Variants in RAB31 observed in about 807,000 individuals in gnomAD.
The protein encoded by RAB31 is ras-related protein Rab-31.
RAB31 carries 21 observed loss-of-function variants against 25.6 expected under a neutral mutation model. That is an observed-to-expected ratio of 0.82 (90% confidence interval 0.58 to 1.18). The LOEUF (loss-of-function observed/expected upper bound fraction) is 1.18, where lower values mean the gene tolerates loss of function less well. RAB31 is among the 50% of genes most tolerant of loss of function. RAB31 has a pLI of 0.00. For synonymous variants in RAB31, 87 were observed against 84.0 expected, an observed-to-expected ratio of 1.04 and a Z score of -0.20; for missense variants, 196 against 250.1, an observed-to-expected ratio of 0.78 and a Z score of 1.46.
At chr18:9,794,456 T>C (rs969113507) in intron 3 of RAB31, among the ~76,000 whole-genome samples, 1 of 152,152 alleles carries the variant, frequency 6.6e-6, no homozygotes. Flanking sequence ...GAATCAATAT[T>C]GTGAAAATGA....
chr18:9,794,108 T>TG (rs1382283647), intron 3 of RAB31, among the ~76,000 whole-genome samples: 1 of 152,178 alleles, frequency 6.6e-6, no homozygotes, highest in African/African-American at 2.4e-5. Context: ...TTGCCCAGGC[T>TG]GGTCTTGAAC....
At chr18:9,739,609 G>A (rs2068167980) in intron 1 of RAB31, among the ~76,000 whole-genome samples, 1 of 152,008 alleles carries the variant, frequency 6.6e-6, no homozygotes, top group Admixed American at 6.6e-5. Context: ...TAAAGCACAG[G>A]TTTTTAAGTT....
intron 1 of RAB31, among the ~76,000 whole-genome samples, chr18:9,729,493 C>T (rs1240918768): frequency 3.3e-5 from 5 of 151,166 alleles, no homozygotes; most frequent in Non-Finnish European, 7.4e-5. Context: ...CGCCAGTGCA[C>T]TCCAGCCTGG....
intron 5 of RAB31, among the ~76,000 whole-genome samples, chr18:9,843,305 G>A (rs1425252697): frequency 6.6e-6 from 1 of 152,170 alleles, no homozygotes; most frequent in African/African-American, 2.4e-5. Context: ...AGCACTTTGG[G>A]AGGCTGAGGC....
At chr18:9,771,476 G>C (rs2068344674) in intron 1 of RAB31, among the ~76,000 whole-genome samples, 1 of 152,202 alleles carries the variant, frequency 6.6e-6, no homozygotes, top group Non-Finnish European at 1.5e-5. Context: ...TCTTCACCCA[G>C]TAGGCTTCAT....
intron 6 of RAB31, among the ~76,000 whole-genome samples, chr18:9,847,473 T>C (rs1039829345): frequency 2.0e-5 from 3 of 152,238 alleles, no homozygotes; most frequent in Non-Finnish European, 4.4e-5. Context: ...CTGCACCAGC[T>C]GGGAAGCTTT....
chr18:9,740,340 G>A (rs1248546102), intron 1 of RAB31, among the ~76,000 whole-genome samples: 1 of 152,220 alleles, frequency 6.6e-6, no homozygotes, highest in Non-Finnish European at 1.5e-5. Flanking sequence ...TTTGCTCAGA[G>A]CCTGATTTAA....
At chr18:9,823,315 G>A (rs2068632923) in intron 5 of RAB31, among the ~76,000 whole-genome samples, 1 of 152,148 alleles carries the variant, frequency 6.6e-6, no homozygotes, top group African/African-American at 2.4e-5. Context: ...ACCCTGTGGT[G>A]TCGGCACTGC....
At chr18:9,789,076 A>T (rs943919590) in intron 2 of RAB31, among the ~76,000 whole-genome samples, 1 of 152,266 alleles carries the variant, frequency 6.6e-6, no homozygotes, top group African/African-American at 2.4e-5. Context: ...CCTGTCATTC[A>T]TGGCAACATG....
chr18:9,837,859 A>G lies in RAB31; in HGVS notation c.381-7723A>G, dbSNP rs150006933. 4.4e-3 allele frequency among the ~76,000 whole-genome samples: 668 copies of G among 152,268 alleles called. 7 individuals carry two copies. Among genetic ancestry groups the G allele is most frequent in the African/African-American group, 0.015 (642 of 41,544 alleles). On this transcript the variant is annotated intron_variant, in intron 5 of 6. Coordinates refer to ENST00000578921, the MANE Select transcript of RAB31 (RefSeq NM_006868.4). Reference sequence around the variant, plus strand: ...GGCTGATCTGGCCTGTGCTCCCCTCATGCTTCTATGGAATGTTGATAATTG... The same window carrying G: ...GGCTGATCTGGCCTGTGCTCCCCTCGTGCTTCTATGGAATGTTGATAATTG...
At chr18:9,758,390 G>T (rs1285991547) in intron 1 of RAB31, among the ~76,000 whole-genome samples, 2 of 151,864 alleles carry the variant, frequency 1.3e-5, no homozygotes. Flanking sequence ...CCAAATGTCT[G>T]ACCACGCTGA....
At chr18:9,732,530 G>T (rs2068129092) in intron 1 of RAB31, among the ~76,000 whole-genome samples, 1 of 152,180 alleles carries the variant, frequency 6.6e-6, no homozygotes, top group Non-Finnish European at 1.5e-5. Context: ...CAGTGAGGTG[G>T]GTCCTGGAAC....
chr18:9,715,246 A>G (rs1188726903), intron 1 of RAB31, among the ~76,000 whole-genome samples: 1 of 151,920 alleles, frequency 6.6e-6, no homozygotes. Flanking sequence ...GCCTAAAGGG[A>G]CAGGGAAGGA....
At chr18:9,756,591 G>T (rs1174498834) in intron 1 of RAB31, among the ~76,000 whole-genome samples, 3 of 152,144 alleles carry the variant, frequency 2.0e-5, no homozygotes, top group African/African-American at 7.2e-5. Context: ...ATTTATTATG[G>T]TTGGGATTTA....
chr18:9,850,416 T>C (rs1037533664), intron 6 of RAB31, among the ~76,000 whole-genome samples: 4 of 152,200 alleles, frequency 2.6e-5, no homozygotes, highest in Non-Finnish European at 4.4e-5. Context: ...TGTGCCACCA[T>C]GGCCAGCTGG....
chr18:9,754,184 A>G (rs2068249287), intron 1 of RAB31, among the ~76,000 whole-genome samples: 1 of 152,218 alleles, frequency 6.6e-6, no homozygotes, highest in South Asian at 2.1e-4. Flanking sequence ...AGGTACTCTC[A>G]GCCCTCAGTA....
At chr18:9,793,661 C>CA (rs60915933) in intron 3 of RAB31, among the ~76,000 whole-genome samples, 2,146 of 130,836 alleles carry the variant, frequency 0.016, 40 homozygotes, top group African/African-American at 0.054. Context: ...GACTCCAGCT[C>CA]AAAAAAAAAA....
intron 3 of RAB31, among the ~76,000 whole-genome samples, chr18:9,810,563 G>A (rs550111629): frequency 7.9e-4 from 121 of 152,294 alleles, no homozygotes; most frequent in African/African-American, 2.9e-3. Flanking sequence ...AGTCATTTAA[G>A]TGGCTTCACC....
At chr18:9,743,812 T>C (rs1392061167) in intron 1 of RAB31, among the ~76,000 whole-genome samples, 1 of 152,208 alleles carries the variant, frequency 6.6e-6, no homozygotes, top group Non-Finnish European at 1.5e-5. Context: ...AGGACCTCTG[T>C]CTTTTGATTG....
Sources: gnomAD v4.1 joint callset for allele counts (sites outside exome capture counted in the v4.1 genomes callset) on GRCh38, gnomAD v4.1.1 for gene constraint, MANE v1.5 for transcripts, NCBI Gene and HGNC (gene_info 2026-07-23, HGNC 2026-07-21) for gene names.